The following ADAMTS13 variants were observed in gnomAD, a reference collection of about 807,000 sequenced individuals.
The protein encoded by ADAMTS13 is A disintegrin and metalloproteinase with thrombospondin motifs 13.
ADAMTS13 carries 110 observed loss-of-function variants against 155.1 expected under a neutral mutation model. That is an observed-to-expected ratio of 0.71 (90% CI 0.61 to 0.83). The LOEUF is 0.83. Among genes scored for constraint, ADAMTS13 ranks in the 40% least tolerant of loss-of-function variants. ADAMTS13 has a pLI of 0.00. For missense variants in ADAMTS13, 1,707 were observed against 1,891.7 expected (o/e 0.90, Z 1.81); for synonymous variants, 758 against 756.4 (o/e 1.00, Z -0.03).
intron 15 of ADAMTS13, 56 bp downstream of exon 15, chr9:133,439,502 C>T (rs781976091): frequency 1.3e-6 from 2 of 1,494,996 alleles, no homozygotes; most frequent in African/African-American, 2.8e-5. Flanking sequence ...GTGCAGAGCA[C>T]TGTTGCCAAG....
upstream of ADAMTS13, among the ~76,000 whole-genome samples, chr9:133,421,283 CAA>C (rs1554783062): frequency 6.6e-6 from 1 of 152,008 alleles, no homozygotes; most frequent in African/African-American, 2.4e-5. Context: ...AAACAAAAAC[CAA>C]AAAGAGACAG....
Position 133,425,533 on chromosome 9 carries a change from C to A in ADAMTS13, c.335C>A (p.Ala112Glu). 1 of 1,613,104 alleles carries A rather than the reference C, an allele frequency of 6.2e-7. No homozygotes were observed. The highest frequency in any genetic ancestry group is 8.5e-7 in the Non-Finnish European group (1 of 1,179,832). ...CTCTCATCTGCCCTTGCACAGGGGG[C>A]AGAACTGCTTCGGGACCCGTCCCTG... ...RYVLTNLNIG[A>E]ELLRDPSLGA... Residue 112 changes from alanine to glutamate, a missense_variant, in exon 4 of 29, where the codon GCA becomes GAA. By Grantham distance (107) the Ala-to-Glu change is moderately radical (BLOSUM62 -1). This residue lies in a region of ADAMTS13 where 733 missense variants were observed against 749.6 expected (regional missense o/e 0.98). Coordinates refer to ENST00000355699, the MANE Select transcript of ADAMTS13 (RefSeq NM_139027.6). This position sits in a 1 kb window ranked among gnomAD's most constrained non-coding sequence, Gnocchi z 4.6.
At chr9:133,431,250 C>T (rs587613322) in intron 8 of ADAMTS13, among the ~76,000 whole-genome samples, 1 of 152,142 alleles carries the variant, frequency 6.6e-6, no homozygotes, top group Admixed American at 6.6e-5. Flanking sequence ...CAGACATGAG[C>T]CACCACCCAC....
At chr9:133,437,944 T>A in intron 13 of ADAMTS13, 47 bp downstream of exon 13, 2 of 1,611,220 alleles carry the variant, frequency 1.2e-6, no homozygotes, top group Non-Finnish European at 1.7e-6. Context: ...CTACCTGTCC[T>A]ATCGGAAGGC....
exon 1 of ADAMTS13, chr9:133,414,579 G>A (rs782695264): frequency 8.7e-6 from 10 of 1,150,910 alleles, no homozygotes; most frequent in South Asian, 1.2e-5. Context: ...GAGAGACTGC[G>A]GTGAGGCCAC....
intron 18 of ADAMTS13, 121 bp downstream of exon 18, chr9:133,442,864 G>A: frequency 7.0e-7 from 1 of 1,425,284 alleles, no homozygotes; most frequent in Non-Finnish European, 9.3e-7. Context: ...CTCCTGTGCA[G>A]GCTCTCATTA....
intron 8 of ADAMTS13, 146 bp downstream of exon 8, chr9:133,430,247 T>C (rs1326175383): frequency 3.5e-5 from 35 of 987,038 alleles, no homozygotes; most frequent in Non-Finnish European, 5.1e-5. Flanking sequence ...TTTAATGCTG[T>C]CTGTGCCCTC....
In ADAMTS13 at chr9:133,422,457, A is replaced by T; in HGVS notation, c.14A>T (p.His5Leu). The T allele has an allele frequency of 3.1e-6, 5 of 1,613,670 alleles. No homozygotes were observed. The highest frequency in any genetic ancestry group is 4.2e-6 in the Non-Finnish European group (5 of 1,179,994). The change falls in exon 1 of 29, where the codon CAC becomes CTC. Residue 5 changes from histidine (H) to leucine (L), a missense_variant. His to Leu is a moderately conservative substitution (Grantham distance 99). Around this residue, in one of 3 missense-constraint regions of ADAMTS13, gnomAD observed 733 missense variants for 749.6 expected, o/e 0.98. Coordinates refer to ENST00000355699, the MANE Select transcript of ADAMTS13 (RefSeq NM_139027.6). MHQRHPRARCPPLCV... is the reference protein window; with the variant it reads MHQRLPRARCPPLCV... ...GCTCTCCTGAGGATGCACCAGCGTC[A>T]CCCCCGGGCAAGATGCCCTCCCCTC...
chr9:133,448,756 T>C (rs782339335), intron 22 of ADAMTS13, 28 bp downstream of exon 22: 1 of 1,596,216 alleles, frequency 6.3e-7, no homozygotes, highest in Non-Finnish European at 8.5e-7. Flanking sequence ...GACTGTGTGC[T>C]GGCCTTCTCC....
chr9:133,440,501 C>G lies in ADAMTS13; in HGVS notation c.1944C>G (p.Pro648=). 6.2e-7 allele frequency: 1 copy of G among 1,608,992 alleles called. No individual in the cohort carries two copies. Among genetic ancestry groups the G allele is most frequent in the Non-Finnish European group, 8.5e-7 (1 of 1,176,852 alleles). ...PRLEEIRIWG[P]LQEDADIQVY... ...TGGAGGAGATCCGCATCTGGGGACC[C>G]CTCCAGGAAGATGCTGACATCCAGG... Residue 648 remains proline (P), a synonymous_variant, in exon 16 of 29, where the codon CCC becomes CCG. Coordinates refer to ENST00000355699, the MANE Select transcript of ADAMTS13 (RefSeq NM_139027.6). The surrounding 1 kb of genome is among the most constrained non-coding windows in gnomAD (Gnocchi z 4.3).
Position 133,425,916 on chromosome 9 carries a change from A to G in ADAMTS13, c.415-22A>G, listed in dbSNP as rs1840248016. ...TGCCTGGTTGGGGTGTCCTAAATGC[A>G]GGCTTTGCTGTGGGTCCGCAGGGTG... On this transcript the variant is annotated intron_variant, in intron 4 of 28. Transcript: ENST00000355699. This position sits in a 1 kb window ranked among gnomAD's most constrained non-coding sequence, Gnocchi z 4.6. The G allele has an allele frequency of 6.2e-7, 1 of 1,613,028 alleles. No homozygotes were observed. Among genetic ancestry groups the G allele is most frequent in the Non-Finnish European group, 8.5e-7 (1 of 1,179,996 alleles).
chr9:133,452,201 CT>C (rs1157549321), intron 23 of ADAMTS13, among the ~76,000 whole-genome samples: 2 of 151,904 alleles, frequency 1.3e-5, no homozygotes, highest in Non-Finnish European at 2.9e-5. Context: ...CAACCTCCGC[CT>C]CCTGGGTTCA....
chr9:133,432,037 G>GCA (rs782194668), intron 8 of ADAMTS13, among the ~76,000 whole-genome samples: 56 of 75,666 alleles, frequency 7.4e-4, no homozygotes, highest in South Asian at 2.4e-3. Flanking sequence ...GCCAAGGCAG[G>GCA]CGGATCACCT....
chr9:133,458,555 C>CAAA (rs10699153), intron 28 of ADAMTS13, among the ~76,000 whole-genome samples: 3 of 56,224 alleles, frequency 5.3e-5, no homozygotes, highest in African/African-American at 7.4e-5. Flanking sequence ...GACTCTGTCT[C>CAAA]AAAAAAAAAA....
intron 23 of ADAMTS13, among the ~76,000 whole-genome samples, chr9:133,450,983 G>A (rs1234410222): frequency 1.3e-5 from 2 of 152,144 alleles, no homozygotes; most frequent in Non-Finnish European, 2.9e-5. Flanking sequence ...GAGGGATGGA[G>A]GTCTCCACAG....
chr9:133,445,881 A>C lies in ADAMTS13; in HGVS notation c.2731+62A>C, dbSNP rs1285202142. 1 of 1,511,040 alleles carries C rather than the reference A, an allele frequency of 6.6e-7. No homozygotes were observed. Among genetic ancestry groups the C allele is most frequent in the Non-Finnish European group, 8.9e-7 (1 of 1,129,406 alleles). The allele number at this position is 1,511,040 out of a possible 1,614,324, so 93.6% of individuals were successfully genotyped here. A position where few individuals can be genotyped will look rare whatever the true frequency, so the allele number is the denominator to read the frequency against. On this transcript the variant is annotated intron_variant, in intron 21 of 28. Transcript: ENST00000355699. The surrounding 1 kb of genome is among the most constrained non-coding windows in gnomAD (Gnocchi z 5.0). ...CATGGTAACTCTCCTGTCCACTTGC[A>C]TCTTGCCTCGTTCTGAAAAGCATTT...
Position 133,456,305 on chromosome 9 carries a change from C to A in ADAMTS13, c.3547+90C>A. 1 of 1,587,046 alleles carries A rather than the reference C, an allele frequency of 6.3e-7. No homozygotes were observed. The highest frequency in any genetic ancestry group is 8.6e-7 in the Non-Finnish European group (1 of 1,164,322). ...TGCATGCCCCATTCCTGGCAGGAGCCCATGTGCATTCCCACCTGTAGTTTG... is the reference window on the plus strand; with the variant it reads ...TGCATGCCCCATTCCTGGCAGGAGCACATGTGCATTCCCACCTGTAGTTTG... On this transcript the variant is annotated intron_variant, in intron 26 of 28. Coordinates refer to ENST00000355699, the MANE Select transcript of ADAMTS13 (RefSeq NM_139027.6). The surrounding 1 kb of genome is among the most constrained non-coding windows in gnomAD (Gnocchi z 4.4).
chr9:133,424,555 G>C lies in ADAMTS13; in HGVS notation c.330+77G>C. On this transcript the variant is annotated intron_variant, in intron 3 of 28. Coordinates refer to ENST00000355699, the MANE Select transcript of ADAMTS13 (RefSeq NM_139027.6). This position sits in a 1 kb window ranked among gnomAD's most constrained non-coding sequence, Gnocchi z 4.3. The stretch of plus-strand genomic sequence containing the variant: ...CAATGTCTGTGGGCTGGTGTATCTG[G>C]TAGTCTGAATACAGTGGGTTAAACT... The C allele has an allele frequency of 6.4e-7, 1 of 1,555,128 alleles. No homozygotes were observed. Among genetic ancestry groups the C allele is most frequent in the South Asian group, 1.2e-5 (1 of 85,152 alleles).
chr9:133,438,344 T>G lies in ADAMTS13; in HGVS notation c.1683T>G (p.Ser561=), dbSNP rs1233588117. 1.2e-6 allele frequency: 2 copies of G among 1,613,948 alleles called. No homozygotes were observed. The highest frequency in any genetic ancestry group is 1.7e-6 in the Non-Finnish European group (2 of 1,180,022). ...DNSTCSPRKG[S]FTAGRAREYV... is the part of the protein sequence containing the mutation. ...GCACGTGCAGCCCACGGAAGGGCTC[T>G]TTCACAGCTGGCAGAGCGAGAGGTA... The change falls in exon 14 of 29, where the codon TCT becomes TCG. Residue 561 remains serine (S), a synonymous_variant. Coordinates refer to ENST00000355699, the MANE Select transcript of ADAMTS13 (RefSeq NM_139027.6).
Sources: allele counts gnomAD v4.1 joint callset (sites outside exome capture counted in the v4.1 genomes callset), GRCh38; gene constraint gnomAD v4.1.1; regional missense constraint gnomAD v4.1.1; non-coding constraint Gnocchi (gnomAD v3.1); transcripts MANE v1.5; gene names NCBI Gene and HGNC (gene_info 2026-07-23, HGNC 2026-07-21).